Variants in GRIK3 observed in about 807,000 individuals in gnomAD.
GRIK3 encodes glutamate ionotropic receptor kainate type subunit 3.
In GRIK3, 29 loss-of-function variants were observed where a neutral mutation model predicts 102.5. That is an observed-to-expected ratio of 0.28 (90% CI 0.21 to 0.39). The LOEUF (loss-of-function observed/expected upper bound fraction) is 0.39, where lower values mean the gene tolerates loss of function less well. Ranked by LOEUF, GRIK3 falls within the 10% of genes least tolerant of loss-of-function variation. The pLI is 1.00. For synonymous variants in GRIK3, 511 were observed against 504.9 expected (o/e 1.01, Z -0.16); for missense variants, 908 against 1,252.4 (o/e 0.73, Z 4.15).
chr1:36,857,077 A>G (rs1163021948), intron 7 of GRIK3, among the ~76,000 whole-genome samples: 1 of 152,186 alleles, frequency 6.6e-6, no homozygotes, highest in African/African-American at 2.4e-5. Context: ...TCTCCACTGG[A>G]CAGAGGAGGA....
chr1:36,968,255 G>C (rs1030993515), intron 1 of GRIK3, among the ~76,000 whole-genome samples: 1 of 140,170 alleles, frequency 7.1e-6, no homozygotes, highest in Non-Finnish European at 1.5e-5. Flanking sequence ...GTGTGTGTGT[G>C]TGTGTGTGTG....
At chr1:36,866,586 T>G (rs565427293) in intron 5 of GRIK3, among the ~76,000 whole-genome samples, 70 of 152,324 alleles carry the variant, frequency 4.6e-4, no homozygotes, top group Middle Eastern at 3.4e-3. Flanking sequence ...CTGTAATAAG[T>G]GCCAAGCATT....
chr1:37,017,130 C>T (rs568019198), intron 1 of GRIK3, among the ~76,000 whole-genome samples: 1 of 151,036 alleles, frequency 6.6e-6, no homozygotes, highest in Non-Finnish European at 1.5e-5. Context: ...GGGGGAGGAT[C>T]GCTTGAACCT....
chr1:36,941,558 G>A (rs530409684), intron 1 of GRIK3, among the ~76,000 whole-genome samples: 11 of 152,102 alleles, frequency 7.2e-5, no homozygotes, highest in Admixed American at 3.3e-4. Context: ...GGGGTGGAGG[G>A]GGGGAGTGCT....
chr1:36,958,148 CTGTGCCCTGAGTCTG>C, intron 1 of GRIK3, among the ~76,000 whole-genome samples: 2 of 122,672 alleles, frequency 1.6e-5, no homozygotes, highest in African/African-American at 3.1e-5. Context: ...CCCCGTGACT[CTGTGCCCTGAGTCTG>C]TGTGCCCTGT....
At chr1:36,976,268 C>T (rs1468551199) in intron 1 of GRIK3, among the ~76,000 whole-genome samples, 1 of 152,154 alleles carries the variant, frequency 6.6e-6, no homozygotes. Flanking sequence ...TCCCTTTTGC[C>T]AGAGTTTTAA....
At chr1:36,898,356 A>T (rs1043671908) in intron 1 of GRIK3, among the ~76,000 whole-genome samples, 3 of 152,210 alleles carry the variant, frequency 2.0e-5, no homozygotes, top group Admixed American at 2.0e-4. Context: ...TGATTATTAC[A>T]TATTGCATGC....
intron 3 of GRIK3, among the ~76,000 whole-genome samples, chr1:36,876,664 C>A (rs1345188752): frequency 6.6e-6 from 1 of 152,220 alleles, no homozygotes; most frequent in East Asian, 1.9e-4. Context: ...AGCCAAAGCC[C>A]ACTGTGGAGT....
chr1:36,826,510 A>G (rs1271214040), intron 10 of GRIK3, among the ~76,000 whole-genome samples: 1 of 152,036 alleles, frequency 6.6e-6, no homozygotes, highest in East Asian at 1.9e-4. Context: ...TCTACAAAAA[A>G]TTAAAAAGTT....
intron 1 of GRIK3, among the ~76,000 whole-genome samples, chr1:36,941,923 C>G (rs569013774): frequency 1.1e-4 from 16 of 152,310 alleles, no homozygotes; most frequent in East Asian, 9.7e-4. Flanking sequence ...CCTATCCCCC[C>G]CTCACCCTGC....
At chr1:36,926,360 C>T (rs966529358) in intron 1 of GRIK3, among the ~76,000 whole-genome samples, 13 of 151,944 alleles carry the variant, frequency 8.6e-5, no homozygotes, top group South Asian at 4.2e-4. Flanking sequence ...AGGTTCCTCC[C>T]TCCTTTCCTC....
intron 9 of GRIK3, among the ~76,000 whole-genome samples, chr1:36,847,673 T>C (rs1300752785): frequency 6.6e-6 from 1 of 152,226 alleles, no homozygotes; most frequent in East Asian, 1.9e-4. Flanking sequence ...CTCTATGAAG[T>C]AGGTGCAGTT....
At chr1:36,899,459 C>A (rs1339362590) in intron 1 of GRIK3, among the ~76,000 whole-genome samples, 6 of 152,010 alleles carry the variant, frequency 3.9e-5, no homozygotes, top group African/African-American at 1.4e-4. Context: ...ATATGAGGTA[C>A]TTAGAGTAGC....
rs967902844 is a variant in GRIK3 at position 36,940,633 on chromosome 1, C to T, written c.116-49537G>A. 5.3e-5 allele frequency among the ~76,000 whole-genome samples: 8 copies of T among 152,188 alleles called. No homozygotes were observed. The South Asian group carries it at 6.2e-4, about 12-fold the overall frequency. ...TCAGAAAACCTTGGGGCCTGCCTCC[C>T]GGGGCACTGCCCAGCATCTGAGGGG... On this transcript the variant is annotated intron_variant, in intron 1 of 15. Coordinates refer to ENST00000373091, the MANE Select transcript of GRIK3 (RefSeq NM_000831.4).
rs565008144 is a variant in GRIK3 at position 36,984,387 on chromosome 1, C to G, written c.115+49607G>C. Among the ~76,000 whole-genome samples, 17 of 152,364 alleles carry G rather than the reference C, an allele frequency of 1.1e-4. 1 individual carries two copies. The highest frequency in any genetic ancestry group is 4.1e-4 in the African/African-American group (17 of 41,588). On this transcript the variant is annotated intron_variant, in intron 1 of 15. Transcript: ENST00000373091. ...TGAGGACAGGGGCCTGAGTCAGGAG[C>G]TCCAGTGGGAGACAGGGCTAGTGTA...
chr1:36,859,120 G>A lies in GRIK3; in HGVS notation c.1092C>T (p.Asn364=). 1 of 1,610,192 alleles carries A rather than the reference G, an allele frequency of 6.2e-7. No homozygotes were observed. Among genetic ancestry groups the A allele is most frequent in the South Asian group, 1.1e-5 (1 of 90,792 alleles). Residue 364 remains asparagine, a synonymous_variant, in exon 7 of 16, where the codon AAC becomes AAT. Coordinates refer to ENST00000373091, the MANE Select transcript of GRIK3 (RefSeq NM_000831.4). ...KAWRFGGRFM[N]FIKEAQWEGL... The stretch of plus-strand genomic sequence containing the variant: ...GTGGGGCACTCACCTCCTTGATGAA[G>A]TTCATGAAGCGGCCGCCAAAGCGCC...
In GRIK3 at chr1:36,872,449, A is replaced by G. The variant is rs1226590741; in HGVS notation, c.551-80T>C. 4 of 1,161,808 alleles carry G rather than the reference A, an allele frequency of 3.4e-6. No homozygotes were observed. The highest frequency in any genetic ancestry group is 4.9e-6 in the Non-Finnish European group (4 of 820,354). 72.0% of individuals were successfully genotyped at this position (1,161,808 alleles called of 1,614,324 possible). A position where few individuals can be genotyped will look rare whatever the true frequency, so the allele number is the denominator to read the frequency against. On this transcript the variant is annotated intron_variant, in intron 3 of 15. Coordinates refer to ENST00000373091, the MANE Select transcript of GRIK3 (RefSeq NM_000831.4). This position sits in a 1 kb window ranked among gnomAD's most constrained non-coding sequence, Gnocchi z 5.9. ...CAGGCATCCACTTGGACTTGTGTGC[A>G]CACACATGCCCATGGCCACAGGTCT...
Position 36,891,147 on chromosome 1 carries a change from T to C in GRIK3, c.116-51A>G, listed in dbSNP as rs767765400. The C allele has an allele frequency of 4.0e-5, 56 of 1,392,054 alleles. No homozygotes were observed. The Admixed American group carries it at 4.1e-4, about 10-fold the overall frequency. The allele number at this position is 1,392,054 out of a possible 1,614,324, so 86.2% of individuals were successfully genotyped here. ...GTGGTTGGGAGGAGGGATGGGGCTC[T>C]AGCAAGGATGCTTGGCTCAAAAGAT... On this transcript the variant is annotated intron_variant, in intron 1 of 15. Transcript: ENST00000373091.
At position 36,913,839 on chromosome 1, in the gene GRIK3, C is replaced by T. The variant is rs112482543; in HGVS notation, c.116-22743G>A. Among the ~76,000 whole-genome samples, 805 of 152,296 alleles carry T rather than the reference C, an allele frequency of 5.3e-3. 7 individuals carry two copies. Among genetic ancestry groups the T allele is most frequent in the African/African-American group, 0.019 (771 of 41,570 alleles). On this transcript the variant is annotated intron_variant, in intron 1 of 15. Transcript: ENST00000373091. ...GCCAGAATCCACTGAAGTCACCTGC[C>T]TTCAGCCCACCCATCCTGCAGGTTC...
Sources: allele counts gnomAD v4.1 joint callset (sites outside exome capture counted in the v4.1 genomes callset), GRCh38; gene constraint gnomAD v4.1.1; non-coding constraint Gnocchi (gnomAD v3.1); transcripts MANE v1.5; gene names NCBI Gene and HGNC (gene_info 2026-07-23, HGNC 2026-07-21).